Variants in SEMA3A observed in about 807,000 individuals in gnomAD.
SEMA3A encodes the protein semaphorin-3A.
A neutral mutation model predicts 97.9 loss-of-function variants in SEMA3A; 29 were observed. The ratio of observed to expected loss-of-function variants is 0.30; its 90% CI spans 0.22 to 0.40. The LOEUF (loss-of-function observed/expected upper bound fraction) is 0.40. SEMA3A is among the 10% of genes least tolerant of loss of function. The probability of loss-of-function intolerance (pLI) is 1.00; values close to 1 mark genes in which losing one functional copy is unlikely to be tolerated. For synonymous variants in SEMA3A, 321 were observed against 323.7 expected, an observed-to-expected ratio of 0.99 and a Z score of 0.09; for missense variants, 763 against 951.3, an observed-to-expected ratio of 0.80 and a Z score of 2.60.
At chr7:84,265,529 A>G (rs1209068047) in intron 3 of SEMA3A, among the ~76,000 whole-genome samples, 1 of 147,590 alleles carries the variant, frequency 6.8e-6, no homozygotes, top group Non-Finnish European at 1.5e-5. Context: ...ATAATTTTAT[A>G]TATTATATAT....
In SEMA3A at chr7:84,091,167, G is replaced by GGAAGGAAAGAAA. The variant is rs1554324917; in HGVS notation, c.453+19302_453+19303insTTTCTTTCCTTC. 2.0e-3 allele frequency among the ~76,000 whole-genome samples: 85 copies of GGAAGGAAAGAAA among 42,880 alleles called. 1 individual carries two copies. The highest frequency in any genetic ancestry group is 0.026 in the Middle Eastern group (2 of 76). 28.1% of individuals were successfully genotyped at this position (42,880 alleles called of 152,430 possible). A position where few individuals can be genotyped will look rare whatever the true frequency, so the allele number is the denominator to read the frequency against. ...AGGAAGGAAGGAAGGAAGGAAGGAA[G>GGAAGGAAAGAAA]GAAAGAAAGAAAGAAAGAAAGAAAG... On this transcript the variant is annotated intron_variant, in intron 4 of 16. Transcript: ENST00000265362.
chr7:84,446,122 T>C (rs1805409173), intron 1 of SEMA3A, among the ~76,000 whole-genome samples: 1 of 152,168 alleles, frequency 6.6e-6, no homozygotes, highest in Non-Finnish European at 1.5e-5. Flanking sequence ...GACATACTCC[T>C]AGAAACAAAT....
chr7:84,249,986 G>A (rs2040757), intron 3 of SEMA3A, among the ~76,000 whole-genome samples: 10,712 of 150,342 alleles, frequency 0.071, 536 homozygotes, highest in Non-Finnish European at 0.083. Flanking sequence ...CTGCTCAAAC[G>A]TATGAAATAT....
At chr7:84,054,104 C>G (rs1354235430) in intron 5 of SEMA3A, among the ~76,000 whole-genome samples, 2 of 151,832 alleles carry the variant, frequency 1.3e-5, no homozygotes, top group African/African-American at 4.8e-5. Context: ...ATGGGCTTCC[C>G]TTTGAGGGTA....
At chr7:84,329,202 A>C (rs1252962029) in intron 2 of SEMA3A, among the ~76,000 whole-genome samples, 4 of 151,976 alleles carry the variant, frequency 2.6e-5, no homozygotes, top group African/African-American at 9.7e-5. Flanking sequence ...TTATGTATAA[A>C]GGCATGAAGG....
chr7:84,255,722 A>G (rs1237592935), intron 3 of SEMA3A, among the ~76,000 whole-genome samples: 6 of 152,040 alleles, frequency 3.9e-5, no homozygotes. Context: ...GCTGATTGGT[A>G]ATGAGAAAAA....
chr7:84,176,320 A>C (rs2116221750), intron 1 of SEMA3A, among the ~76,000 whole-genome samples: 1 of 152,330 alleles, frequency 6.6e-6, no homozygotes, highest in Non-Finnish European at 1.5e-5. Flanking sequence ...AAAAATTAGT[A>C]TCCAGACTGG....
At chr7:83,975,478 CAA>C (rs1789106504) in intron 15 of SEMA3A, among the ~76,000 whole-genome samples, 1 of 151,700 alleles carries the variant, frequency 6.6e-6, no homozygotes, top group African/African-American at 2.4e-5. Flanking sequence ...TTACAAAAAT[CAA>C]AAAGTGCTAT....
intron 1 of SEMA3A, among the ~76,000 whole-genome samples, chr7:84,181,902 A>G (rs1160819687): frequency 6.6e-6 from 1 of 152,166 alleles, no homozygotes; most frequent in Non-Finnish European, 1.5e-5. Context: ...GGTCTAGAGT[A>G]CCTCAGAAAC....
intron 1 of SEMA3A, among the ~76,000 whole-genome samples, chr7:84,160,645 G>A (rs7806601): frequency 0.064 from 9,741 of 151,964 alleles, 665 homozygotes; most frequent in African/African-American, 0.17. Context: ...TTGGGAGGCC[G>A]AAGCAGGTGG....
Position 84,132,128 on chromosome 7 carries a change from G to A in SEMA3A, c.270+2666C>T, listed in dbSNP as rs142784431. On this transcript the variant is annotated intron_variant, in intron 2 of 16. Coordinates refer to ENST00000265362, the MANE Select transcript of SEMA3A (RefSeq NM_006080.3). ...ATACCCAGCTGATATAAATTCTTAAGTAAATTGGGTTCATTTGTATAAACA... is the reference window on the plus strand; with the variant it reads ...ATACCCAGCTGATATAAATTCTTAAATAAATTGGGTTCATTTGTATAAACA... Among the ~76,000 whole-genome samples, 971 of 152,210 alleles carry A rather than the reference G, an allele frequency of 6.4e-3. 5 individuals are homozygous for A. Among genetic ancestry groups the A allele is most frequent in the African/African-American group, 0.022 (906 of 41,520 alleles).
At chr7:84,311,134 T>C (rs1029477802) in intron 2 of SEMA3A, among the ~76,000 whole-genome samples, 38 of 151,908 alleles carry the variant, frequency 2.5e-4, no homozygotes, top group Non-Finnish European at 3.7e-4. Context: ...TTATTAATAA[T>C]CTGAAAATAC....
At chr7:84,061,494 A>G (rs1379839447) in intron 4 of SEMA3A, among the ~76,000 whole-genome samples, 1 of 152,192 alleles carries the variant, frequency 6.6e-6, no homozygotes, top group Non-Finnish European at 1.5e-5. Flanking sequence ...GGAATTAATT[A>G]GATAAGAATA....
chr7:83,964,825 G>A (rs1043184968), intron 15 of SEMA3A, among the ~76,000 whole-genome samples: 2 of 152,112 alleles, frequency 1.3e-5, no homozygotes, highest in African/African-American at 4.8e-5. Flanking sequence ...ATATCTTCAT[G>A]TGCCAATATC....
Position 84,481,210 on chromosome 7 carries a change from G to A in SEMA3A, c.-246+11250C>T, listed in dbSNP as rs148394859. Among the ~76,000 whole-genome samples, 445 of 152,180 alleles carry A rather than the reference G, an allele frequency of 2.9e-3. 3 individuals are homozygous for A. The highest frequency in any genetic ancestry group is 9.9e-3 in the African/African-American group (410 of 41,528). ...GTGGGGTTGACCATTGAAAAGATAC[G>A]AGGGCAAATCTAAATCTTCAGGGAC... is the stretch of plus-strand genomic sequence containing the variant. On this transcript the variant is annotated intron_variant, in intron 1 of 3. Coordinates refer to the SEMA3A transcript ENST00000424555.
intron 3 of SEMA3A, among the ~76,000 whole-genome samples, chr7:84,278,723 C>T (rs1398156368): frequency 6.6e-6 from 1 of 152,016 alleles, no homozygotes; most frequent in Non-Finnish European, 1.5e-5. Context: ...CACTTTTAAA[C>T]AATCAGATCT....
chr7:84,274,004 G>C (rs1211777158), intron 3 of SEMA3A, among the ~76,000 whole-genome samples: 1 of 151,792 alleles, frequency 6.6e-6, no homozygotes, highest in East Asian at 1.9e-4. Flanking sequence ...TATATGGAAT[G>C]GAAAAGTACA....
chr7:84,270,641 T>C (rs1394988733), intron 3 of SEMA3A, among the ~76,000 whole-genome samples: 1 of 148,060 alleles, frequency 6.8e-6, no homozygotes, highest in Non-Finnish European at 1.5e-5. Flanking sequence ...TATTCATATA[T>C]ATGCATCTAT....
In SEMA3A at chr7:84,250,954, G is replaced by A. The variant is rs948516613; in HGVS notation, c.-83+56253C>T. On this transcript the variant is annotated intron_variant, in intron 3 of 3. Transcript: ENST00000424555. ...GACAAAGTATGCGTATGTCCAGCAC[G>A]CAGATAATCTCCTCAAGAGTCAATT... Among the ~76,000 whole-genome samples, 7 of 152,186 alleles carry A rather than the reference G, an allele frequency of 4.6e-5. No individual in the cohort carries two copies. The South Asian group carries it at 8.3e-4, about 18-fold the overall frequency.
Sources: allele counts gnomAD v4.1 joint callset (sites outside exome capture counted in the v4.1 genomes callset), GRCh38; gene constraint gnomAD v4.1.1; transcripts MANE v1.5; gene names NCBI Gene and HGNC (gene_info 2026-07-23, HGNC 2026-07-21).